TBC1D8B: variants seen among roughly 807,000 people sequenced by gnomAD.
TBC1D8B encodes the protein RP11-321G1.1.
TBC1D8B carries 75 observed loss-of-function variants against 82.9 expected under a neutral mutation model. The observed-to-expected ratio is 0.90, with a 90% CI of 0.75 to 1.10. The LOEUF is 1.10. TBC1D8B is among the 50% of genes least tolerant of loss of function. TBC1D8B has a pLI of 0.00. For synonymous variants in TBC1D8B, 276 were observed against 276.8 expected, an observed-to-expected ratio of 1.00 and a Z score of 0.03; for missense variants, 794 against 796.9, an observed-to-expected ratio of 1.00 and a Z score of 0.04.
In TBC1D8B at chrX:106,836,568, A is replaced by T. The variant is rs181730957; in HGVS notation, c.1204-2740A>T. The stretch of plus-strand genomic sequence containing the variant: ...TACTAAAGTTTAAGGGATGAACTTA[A>T]GTGAGTCTTTTCTTCTTTTTTTTTT... On this transcript the variant is annotated intron_variant, in intron 7 of 20. Transcript: ENST00000357242. 1.2e-4 allele frequency among the ~76,000 whole-genome samples: 13 copies of T among 108,145 alleles called. No homozygotes were observed. In the East Asian group the frequency reaches 3.7e-3, roughly 31 times the overall value. The allele number at this position is 108,145 out of a possible 115,157, so 93.9% of individuals were successfully genotyped here.
intron 1 of TBC1D8B, among the ~76,000 whole-genome samples, chrX:106,807,455 T>G (rs1212809661): frequency 1.3e-5 from 1 of 76,082 alleles, no homozygotes; most frequent in African/African-American, 7.5e-5. Context: ...TACCCTCACC[T>G]TTTTTTTTTT....
rs1188030932 is a variant in TBC1D8B, at chrX:106,873,773, A to C, written c.3171A>C (p.Lys1057Asn). The change falls in exon 21 of 21, where the codon AAA becomes AAC. Residue 1057 changes from lysine (K) to asparagine (N), a missense_variant. Coordinates refer to ENST00000357242, the MANE Select transcript of TBC1D8B (RefSeq NM_017752.3). ...VCGSGGPSEE[K>N]TGSHLEKDPC... ...GTTCTGGAGGACCCAGTGAGGAAAAAACAGGGAGCCACTTGGAGAAAGATC... is the reference window on the plus strand; with the variant it reads ...GTTCTGGAGGACCCAGTGAGGAAAACACAGGGAGCCACTTGGAGAAAGATC... 8.3e-7 allele frequency: 1 copy of C among 1,211,741 alleles called. No individual in the cohort carries two copies. Among genetic ancestry groups the C allele is most frequent in the Non-Finnish European group, 1.1e-6 (1 of 895,472 alleles).
intron 1 of TBC1D8B, among the ~76,000 whole-genome samples, chrX:106,807,724 A>G (rs1931235801): frequency 9.0e-6 from 1 of 110,886 alleles, no homozygotes; most frequent in Non-Finnish European, 1.9e-5. Context: ...TGCCCTCCCT[A>G]GGTATTGCCC....
intron 1 of TBC1D8B, among the ~76,000 whole-genome samples, chrX:106,807,477 A>G (rs1443503813): frequency 9.9e-6 from 1 of 100,914 alleles, no homozygotes; most frequent in Non-Finnish European, 2.0e-5. Flanking sequence ...TTTTTTTGGA[A>G]TAGTGGAAAG....
In TBC1D8B at chrX:106,822,083, A is replaced by G. The variant is rs1371431346; in HGVS notation, c.467A>G (p.Lys156Arg). 8.3e-7 allele frequency: 1 copy of G among 1,210,521 alleles called. No homozygotes were observed. The highest frequency in any genetic ancestry group is 1.8e-5 in the South Asian group (1 of 56,913). ...KFEKCFGLPE[K>R]EKLVTYYSCS... is the part of the protein sequence containing the mutation. The stretch of plus-strand genomic sequence containing the variant: ...GAAAAATGTTTTGGTTTACCAGAGA[A>G]GGAGAAGTTAGTGACCTATTATTCA... Residue 156 changes from lysine (K) to arginine (R), a missense_variant, in exon 4 of 21, where the codon AAG becomes AGG. Lys to Arg is a conservative substitution (Grantham distance 26, BLOSUM62 2). Transcript: ENST00000357242.
At chrX:106,834,358 T>C (rs1932118210) in intron 7 of TBC1D8B, among the ~76,000 whole-genome samples, 1 of 110,935 alleles carries the variant, frequency 9.0e-6, no homozygotes, top group African/African-American at 3.3e-5. Context: ...TGGGAGAAAC[T>C]GCCCATGATT....
chrX:106,830,811 G>T (rs1203158542), intron 7 of TBC1D8B, among the ~76,000 whole-genome samples: 9 of 72,281 alleles, frequency 1.2e-4, no homozygotes, highest in African/African-American at 4.7e-4. Context: ...GGGGGGAGGG[G>T]GGAGGGATAG....
At chrX:106,820,166 TGTGA>T (rs1188243813) in intron 2 of TBC1D8B, among the ~76,000 whole-genome samples, 1 of 111,305 alleles carries the variant, frequency 9.0e-6, no homozygotes, top group Non-Finnish European at 1.9e-5. Context: ...TTTAATGGTA[TGTGA>T]GTGATAGGAA....
chrX:106,874,003 C>T lies in TBC1D8B; in HGVS notation c.*38C>T. ...TGCCTATCATAGACAAGTTTACTAA[C>T]ATTCCTGTAGCTGTCAGTTTGATTC... On this transcript the variant is annotated 3_prime_UTR_variant, in exon 21 of 21. Coordinates refer to ENST00000357242, the MANE Select transcript of TBC1D8B (RefSeq NM_017752.3). The T allele has an allele frequency of 1.8e-6, 2 of 1,141,149 alleles. No homozygotes were observed. The allele number at this position is 1,141,149 out of a possible 1,213,427, so 94.0% of individuals were successfully genotyped here.
intron 10 of TBC1D8B, among the ~76,000 whole-genome samples, chrX:106,847,895 G>A (rs2147758954): frequency 9.0e-6 from 1 of 111,211 alleles, no homozygotes; most frequent in Admixed American, 9.6e-5. Context: ...TGATAATTAA[G>A]GTTTTTCACT....
In TBC1D8B at chrX:106,827,450, T is replaced by C. The variant is rs937105164; in HGVS notation, c.1203+113T>C. The C allele has an allele frequency of 1.8e-5, 15 of 817,578 alleles. No homozygotes were observed. In the South Asian group the frequency reaches 2.7e-4, roughly 15 times the overall value. 67.4% of individuals were successfully genotyped at this position (817,578 alleles called of 1,213,427 possible). On this transcript the variant is annotated intron_variant, in intron 7 of 20. Transcript: ENST00000357242. ...TTCCTATTTATGCCCAGGGGTTTTT[T>C]TTAAAGATAGAATCTAAGAAATTAT...
At chrX:106,809,085 C>T (rs185513344) in intron 1 of TBC1D8B, among the ~76,000 whole-genome samples, 5 of 112,106 alleles carry the variant, frequency 4.5e-5, no homozygotes, top group African/African-American at 1.6e-4. Context: ...AACATTTGCC[C>T]AGTTTTCCAC....
intron 14 of TBC1D8B, among the ~76,000 whole-genome samples, chrX:106,854,510 C>T (rs1932657206): frequency 9.0e-6 from 1 of 110,735 alleles, no homozygotes; most frequent in Admixed American, 9.7e-5. Context: ...ATGTTTTGTA[C>T]TATTTGACCT....
chrX:106,835,875 A>G (rs770601335), intron 7 of TBC1D8B, among the ~76,000 whole-genome samples: 6 of 111,779 alleles, frequency 5.4e-5, no homozygotes, highest in Non-Finnish European at 9.4e-5. Context: ...CCATATTACT[A>G]TCAGCATTTT....
At chrX:106,861,769 G>T (rs1460193070) in intron 14 of TBC1D8B, among the ~76,000 whole-genome samples, 1 of 110,385 alleles carries the variant, frequency 9.1e-6, no homozygotes, top group Non-Finnish European at 1.9e-5. Context: ...GTGTAGATTT[G>T]ATCCTGATAT....
intron 7 of TBC1D8B, among the ~76,000 whole-genome samples, chrX:106,831,858 A>C (rs1932056868): frequency 9.0e-6 from 1 of 111,445 alleles, no homozygotes; most frequent in Admixed American, 9.6e-5. Flanking sequence ...AAATTGCCAT[A>C]ATATTCTGTT....
At chrX:106,844,868 C>T (rs190557083) in intron 10 of TBC1D8B, among the ~76,000 whole-genome samples, 1 of 110,568 alleles carries the variant, frequency 9.0e-6, no homozygotes, top group Admixed American at 9.7e-5. Flanking sequence ...TTAGAGTTTG[C>T]TTTGTGGAAA....
chrX:106,831,074 G>A (rs73531157), intron 7 of TBC1D8B, among the ~76,000 whole-genome samples: 2,568 of 110,461 alleles, frequency 0.023, 74 homozygotes, highest in African/African-American at 0.08. Context: ...CTTTTACAAT[G>A]TCCAGGAACC....
At chrX:106,853,120 T>C (rs1428331972) in intron 12 of TBC1D8B, among the ~76,000 whole-genome samples, 2 of 111,462 alleles carry the variant, frequency 1.8e-5, no homozygotes, top group Non-Finnish European at 3.8e-5. Context: ...TTTGTAGTTC[T>C]CCTTGAAGAG....
Sources: gnomAD v4.1 joint callset for allele counts (sites outside exome capture counted in the v4.1 genomes callset) on GRCh38, gnomAD v4.1.1 for gene constraint, MANE v1.5 for transcripts, NCBI Gene and HGNC (gene_info 2026-07-23, HGNC 2026-07-21) for gene names.